Variants in TBL1X observed in about 807,000 individuals in gnomAD.
TBL1X encodes transducin beta like 1 X-linked.
A neutral mutation model predicts 50.7 loss-of-function variants in TBL1X; 10 were observed. The observed-to-expected ratio is 0.20, with a 90% CI of 0.12 to 0.33. The LOEUF (loss-of-function observed/expected upper bound fraction) is 0.33, where lower values mean the gene tolerates loss of function less well. TBL1X is among the 10% of genes least tolerant of loss of function. The pLI is 1.00. For synonymous variants in TBL1X, 190 were observed against 214.7 expected, an observed-to-expected ratio of 0.88 and a Z score of 1.01; for missense variants, 340 against 504.4, an observed-to-expected ratio of 0.67 and a Z score of 3.12.
At chrX:9,694,565 C>T (rs1219019667) in intron 11 of TBL1X, among the ~76,000 whole-genome samples, 1 of 111,903 alleles carries the variant, frequency 8.9e-6, no homozygotes, top group Non-Finnish European at 1.9e-5. Context: ...CCTCTGCACT[C>T]CAGCCTGGAT....
chrX:9,509,762 A>G (rs1293390816), intron 2 of TBL1X, among the ~76,000 whole-genome samples: 1 of 110,531 alleles, frequency 9.0e-6, no homozygotes, highest in African/African-American at 3.3e-5. Flanking sequence ...CTAGGTTTAC[A>G]GGTATGAGCC....
In TBL1X at chrX:9,635,847, C is replaced by G. The variant is rs1334536119; in HGVS notation, c.-130-4426C>G. On this transcript the variant is annotated intron_variant, in intron 2 of 17. Coordinates refer to ENST00000645353, the MANE Select transcript of TBL1X (RefSeq NM_005647.4). ...AAAGGCAGAACGATGCCAGGCAATT[C>G]CACTGCTAGCCATTGCCCCAAGGAC... is the stretch of plus-strand genomic sequence containing the variant. Among the ~76,000 whole-genome samples the G allele has an allele frequency of 6.2e-5, 7 of 112,214 alleles. No homozygotes were observed. The Admixed American group carries it at 6.6e-4, about 11-fold the overall frequency.
intron 5 of TBL1X, among the ~76,000 whole-genome samples, chrX:9,669,489 G>T (rs906272840): frequency 5.4e-5 from 6 of 111,765 alleles, no homozygotes; most frequent in Non-Finnish European, 1.9e-5. Flanking sequence ...TGTCTGATTG[G>T]TTCTCAGAGA....
At chrX:9,513,739 C>T (rs753162904) in intron 2 of TBL1X, among the ~76,000 whole-genome samples, 13 of 110,040 alleles carry the variant, frequency 1.2e-4, no homozygotes, top group African/African-American at 4.0e-4. Context: ...AGTTTTCTGT[C>T]GCTGTAAAGG....
intron 2 of TBL1X, among the ~76,000 whole-genome samples, chrX:9,595,909 T>G (rs1238522948): frequency 8.9e-6 from 1 of 112,297 alleles, no homozygotes; most frequent in Non-Finnish European, 1.9e-5. Context: ...GTTGGAGATA[T>G]CTTCCAGAAG....
intron 5 of TBL1X, among the ~76,000 whole-genome samples, chrX:9,661,531 AAAG>A (rs1454973031): frequency 9.0e-6 from 1 of 111,473 alleles, no homozygotes; most frequent in African/African-American, 3.3e-5. Context: ...TCTGAAAAAA[AAAG>A]AAAGAGTCTT....
intron 2 of TBL1X, among the ~76,000 whole-genome samples, chrX:9,604,051 C>T (rs1002978392): frequency 9.0e-6 from 1 of 111,586 alleles, no homozygotes; most frequent in Admixed American, 9.5e-5. Flanking sequence ...AGGTGCTGCA[C>T]GTTAGGACTT....
At chrX:9,694,512 TG>T (rs1361992083) in intron 11 of TBL1X, among the ~76,000 whole-genome samples, 2 of 111,472 alleles carry the variant, frequency 1.8e-5, no homozygotes, top group Non-Finnish European at 3.8e-5. Flanking sequence ...GAGAATCTCT[TG>T]AACCAGCGAG....
intron 2 of TBL1X, among the ~76,000 whole-genome samples, chrX:9,573,701 G>C (rs1242134641): frequency 8.9e-6 from 1 of 112,693 alleles, no homozygotes; most frequent in Non-Finnish European, 1.9e-5. Context: ...GTGCTTTGGG[G>C]CCGCAGAGTG....
chrX:9,693,461 G>T (rs1169631693), intron 11 of TBL1X, 42 bp downstream of exon 11: 4 of 1,109,764 alleles, frequency 3.6e-6, no homozygotes, highest in Non-Finnish European at 3.7e-6. Flanking sequence ...TCTATAGGTG[G>T]TTATATATTT....
intron 1 of TBL1X, among the ~76,000 whole-genome samples, chrX:9,481,461 G>GC (rs1487273516): frequency 3.6e-5 from 4 of 112,058 alleles, no homozygotes; most frequent in South Asian, 7.3e-4. Flanking sequence ...AAAACTGTTT[G>GC]CAAGTATACT....
At chrX:9,556,114 A>C (rs1329740040) in intron 2 of TBL1X, among the ~76,000 whole-genome samples, 1 of 109,443 alleles carries the variant, frequency 9.1e-6, no homozygotes, top group East Asian at 2.9e-4. Context: ...ATTTGAGCCC[A>C]GGAGTTAGAG....
intron 2 of TBL1X, among the ~76,000 whole-genome samples, chrX:9,569,187 C>CTGT (rs2082370716): frequency 9.8e-6 from 1 of 102,276 alleles, no homozygotes; most frequent in Admixed American, 1.1e-4. Context: ...TTGTGTCTAT[C>CTGT]TGTGCAGTGT....
chrX:9,564,980 A>C (rs1453626033), intron 2 of TBL1X, among the ~76,000 whole-genome samples: 1 of 110,630 alleles, frequency 9.0e-6, no homozygotes, highest in East Asian at 2.8e-4. Context: ...ATACTAAAAA[A>C]AAATCATAGG....
In TBL1X at chrX:9,532,048, C is replaced by G. The variant is rs1035771828; in HGVS notation, c.-131+30199C>G. 7.2e-5 allele frequency among the ~76,000 whole-genome samples: 8 copies of G among 111,695 alleles called. 1 individual carries two copies. The highest frequency in any genetic ancestry group is 2.3e-4 in the African/African-American group (7 of 30,723). On this transcript the variant is annotated intron_variant, in intron 2 of 17. Coordinates refer to ENST00000645353, the MANE Select transcript of TBL1X (RefSeq NM_005647.4). Reference sequence around the variant, plus strand: ...ACCACACTGGGGCGCAAGAGCACGTCTTTTAAAATCAGTGCTGTCTGTGGG... The same window carrying G: ...ACCACACTGGGGCGCAAGAGCACGTGTTTTAAAATCAGTGCTGTCTGTGGG...
chrX:9,665,518 TATATATATATATATATATATAA>T (rs1163038443), intron 5 of TBL1X, among the ~76,000 whole-genome samples: 6 of 54,437 alleles, frequency 1.1e-4, no homozygotes, highest in African/African-American at 3.9e-4. Flanking sequence ...TATATATATA[TATATATATATATATATATATAA>T]AAGGCCTTGG....
chrX:9,609,458 T>A (rs1468846131), intron 2 of TBL1X, among the ~76,000 whole-genome samples: 2 of 107,919 alleles, frequency 1.9e-5, no homozygotes, highest in African/African-American at 3.4e-5. Context: ...AGCTTTGTAG[T>A]ATGCCCCTTC....
At chrX:9,525,607 A>G (rs1396470415) in intron 2 of TBL1X, among the ~76,000 whole-genome samples, 4 of 112,152 alleles carry the variant, frequency 3.6e-5, no homozygotes, top group Non-Finnish European at 5.6e-5. Context: ...TTTGAATGGA[A>G]AAATTGCATA....
chrX:9,537,984 C>T (rs12851048), intron 2 of TBL1X, among the ~76,000 whole-genome samples: 1 of 111,196 alleles, frequency 9.0e-6, no homozygotes, highest in Non-Finnish European at 1.9e-5. Flanking sequence ...AATGGTGTGG[C>T]GGGAAGTGAG....
Sources: gnomAD v4.1 joint callset for allele counts (sites outside exome capture counted in the v4.1 genomes callset) on GRCh38, gnomAD v4.1.1 for gene constraint, MANE v1.5 for transcripts, NCBI Gene and HGNC (gene_info 2026-07-23, HGNC 2026-07-21) for gene names.